The following L1CAM variants were observed in gnomAD, a reference collection of about 807,000 sequenced individuals.
L1CAM encodes L1 cell adhesion molecule, also known as neural cell adhesion molecule L1.
Under a neutral mutation model 93.0 loss-of-function variants are expected in L1CAM, and 8 were observed. That is an observed-to-expected ratio of 0.09 (90% CI 0.05 to 0.16). L1CAM has a LOEUF of 0.16. Among genes scored for constraint, L1CAM ranks in the 10% least tolerant of loss-of-function variants. The pLI is 1.00. For synonymous variants in L1CAM, 453 were observed against 453.0 expected (o/e 1.00, Z 0.00); for missense variants, 777 against 1,073.4 (o/e 0.72, Z 3.86).
intron 1 of L1CAM, among the ~76,000 whole-genome samples, chrX:153,883,445 C>T (rs1233830691): frequency 2.2e-5 from 2 of 89,608 alleles, no homozygotes; most frequent in Admixed American, 1.2e-4. Context: ...AGCAGGGGGG[C>T]GGGGGAAGCA....
chrX:153,864,991 T>A lies in L1CAM; in HGVS notation c.2876A>T (p.Asp959Val). ...GGACAGTTGCCCCTTGCCCCCCTCATCCACTGTGGGGACAGACAGGGGTTG... is the reference window on the plus strand; with the variant it reads ...GGACAGTTGCCCCTTGCCCCCCTCAACCACTGTGGGGACAGACAGGGGTTG... ...TGYVLSYHPLDEGGKGQLSFN... is the reference protein window; with the variant it reads ...TGYVLSYHPLVEGGKGQLSFN... Residue 959 changes from aspartate to valine, a missense_variant, in exon 23 of 29, where the codon GAT becomes GTT. Physicochemically the swap from Asp to Val is radical, Grantham distance 152. This residue lies in a region of L1CAM where 71 missense variants were observed against 77.4 expected (regional missense o/e 0.92). Coordinates refer to ENST00000370060, the MANE Select transcript of L1CAM (RefSeq NM_001278116.2). 8.3e-7 allele frequency: 1 copy of A among 1,212,002 alleles called. No individual in the cohort carries two copies. The highest frequency in any genetic ancestry group is 1.1e-6 in the Non-Finnish European group (1 of 895,382).
At position 153,864,702 on chromosome X, in the gene L1CAM, T is replaced by A; in HGVS notation, c.3049A>T (p.Ile1017Phe). The A allele has an allele frequency of 8.3e-7, 1 of 1,211,962 alleles. No individual in the cohort carries two copies. Among genetic ancestry groups the A allele is most frequent in the Non-Finnish European group, 1.1e-6 (1 of 895,463 alleles). ...REGGTMALSGISDFGNISATA... is the reference protein window; with the variant it reads ...REGGTMALSGFSDFGNISATA... Reference sequence around the variant, plus strand: ...GCTGAGATGTTGCCAAAATCTGAGATCCCTGGGGGGATGCAGGGGAACGAG... The same window carrying A: ...GCTGAGATGTTGCCAAAATCTGAGAACCCTGGGGGGATGCAGGGGAACGAG... Residue 1017 changes from isoleucine (I) to phenylalanine (F), a missense_variant and splice_region_variant, in exon 24 of 29, where the codon ATC becomes TTC. Transcript: ENST00000370060.
intron 1 of L1CAM, among the ~76,000 whole-genome samples, chrX:153,877,003 A>C (rs2064817771): frequency 9.2e-6 from 1 of 109,095 alleles, no homozygotes; most frequent in Non-Finnish European, 1.9e-5. Flanking sequence ...TGTCTAAAAA[A>C]ATAAATAAAA....
chrX:153,863,208 G>C (rs1408595786), intron 28 of L1CAM, among the ~76,000 whole-genome samples, 160 bp downstream of exon 28: 1 of 111,810 alleles, frequency 8.9e-6, no homozygotes, highest in Non-Finnish European at 1.9e-5. Context: ...AGGGGCTGGG[G>C]CGTGTTGGCC....
Position 153,874,274 on chromosome X carries a change from C to T in L1CAM, c.77-1032G>A, listed in dbSNP as rs145288780. Among the ~76,000 whole-genome samples the T allele has an allele frequency of 4.9e-3, 556 of 112,925 alleles. 1 individual carries two copies. The highest frequency in any genetic ancestry group is 0.012 in the Admixed American group (126 of 10,847). ...CAGGGCAGCCTTGGAGCTGCCATGGCCTTTTGGCCTAGTTCTCTCTCCCCA... is the reference window on the plus strand; with the variant it reads ...CAGGGCAGCCTTGGAGCTGCCATGGTCTTTTGGCCTAGTTCTCTCTCCCCA... On this transcript the variant is annotated intron_variant, in intron 2 of 28. Transcript: ENST00000370060.
At chrX:153,868,820 C>T (rs1557092033) in intron 12 of L1CAM, 21 bp downstream of exon 12, 2 of 1,205,122 alleles carry the variant, frequency 1.7e-6, no homozygotes, top group South Asian at 3.5e-5. Context: ...ACACTCACCA[C>T]TACCAGGACG....
chrX:153,874,505 G>A (rs782125222), intron 2 of L1CAM, among the ~76,000 whole-genome samples: 63 of 112,856 alleles, frequency 5.6e-4, no homozygotes, highest in African/African-American at 1.8e-3. Flanking sequence ...TCTGTACCAA[G>A]GGAGTCTGCC....
intron 1 of L1CAM, chrX:153,885,461 G>A (rs1247836655): frequency 2.1e-5 from 20 of 949,387 alleles, no homozygotes; most frequent in Admixed American, 3.1e-5. Flanking sequence ...GCCCAGGCTG[G>A]GATTTGGAAA....
intron 20 of L1CAM, 67 bp downstream of exon 20, chrX:153,865,637 C>T: frequency 9.9e-7 from 1 of 1,014,526 alleles, no homozygotes; most frequent in South Asian, 1.9e-5. Context: ...GTGGCAAAGC[C>T]CCCTCACCAT....
chrX:153,867,791 G>A lies in L1CAM; in HGVS notation c.1939+9C>T, dbSNP rs938599798. The A allele has an allele frequency of 8.4e-7, 1 of 1,194,574 alleles. No homozygotes were observed. Among genetic ancestry groups the A allele is most frequent in the Admixed American group, 2.2e-5 (1 of 45,787 alleles). On this transcript the variant is annotated intron_variant, in intron 16 of 28. Transcript: ENST00000370060. ...GACGGTGGGGTGGCACTGAGCTCAA[G>A]CCTCTTACTCTCAATGGGGGCATTG... is the stretch of plus-strand genomic sequence containing the variant.
At chrX:153,876,058 G>T (rs1174063794) in intron 1 of L1CAM, 114 bp from the exon 2 acceptor site, 13 of 433,910 alleles carry the variant, frequency 3.0e-5, no homozygotes, top group Non-Finnish European at 4.8e-5. Context: ...CCTCAGCCCC[G>T]CCCCCAGCTG....
chrX:153,885,789 G>A (rs1266736914), intron 1 of L1CAM: 3 of 798,799 alleles, frequency 3.8e-6, no homozygotes, highest in African/African-American at 2.5e-5. Flanking sequence ...GACGCCCCCC[G>A]CCCTGTTCTC....
intron 25 of L1CAM, 25 bp from the exon 26 acceptor site, chrX:153,864,042 G>A (rs782022192): frequency 1.7e-5 from 21 of 1,209,577 alleles, no homozygotes; most frequent in African/African-American, 5.2e-5. Flanking sequence ...CCAGCCCCCC[G>A]TGCTGCCGCC....
At chrX:153,871,656 G>A in intron 5 of L1CAM, among the ~76,000 whole-genome samples, 2 of 111,330 alleles carry the variant, frequency 1.8e-5, no homozygotes, top group African/African-American at 6.5e-5. Flanking sequence ...GGAATGCAAA[G>A]GGAAAACCCC....
chrX:153,884,307 GA>G (rs1217374730), intron 1 of L1CAM: 27 of 936,214 alleles, frequency 2.9e-5, no homozygotes, highest in Non-Finnish European at 3.8e-5. Context: ...CAGGGCAGGG[GA>G]CCCCGCCACC....
chrX:153,874,858 C>T (rs1305483662), intron 2 of L1CAM, among the ~76,000 whole-genome samples: 7 of 111,846 alleles, frequency 6.3e-5, no homozygotes, highest in Admixed American at 4.7e-4. Context: ...CACGGTAACA[C>T]CCCCCACACG....
Position 153,862,671 on chromosome X carries a change from G to C in L1CAM, c.3766C>G (p.Leu1256Val). The change falls in exon 29 of 29, where the codon CTA becomes GTA. Residue 1256 changes from leucine (L) to valine (V), a missense_variant. By Grantham distance (32) the Leu-to-Val change is conservative. Around this residue, in one of 5 missense-constraint regions of L1CAM, gnomAD observed 110 missense variants for 141.7 expected, o/e 0.78. Transcript: ENST00000370060. ...ATSPINPAVA[L>V]E ...TCCTGTCCTGGACTCCACTATTCTA[G>C]GGCCACGGCAGGGTTGATGGGGGAA... is the stretch of plus-strand genomic sequence containing the variant. 8.3e-7 allele frequency: 1 copy of C among 1,207,873 alleles called. No individual in the cohort carries two copies. The highest frequency in any genetic ancestry group is 1.1e-6 in the Non-Finnish European group (1 of 891,988).
chrX:153,862,574 C>T lies in L1CAM; in HGVS notation c.*89G>A. 1.3e-6 allele frequency: 1 copy of T among 757,975 alleles called. No individual in the cohort carries two copies. The highest frequency in any genetic ancestry group is 1.9e-6 in the Non-Finnish European group (1 of 516,090). The allele number at this position is 757,975 out of a possible 1,213,427, so 62.5% of individuals were successfully genotyped here. A position where few individuals can be genotyped will look rare whatever the true frequency, so the allele number is the denominator to read the frequency against. ...ATCCGAGGCAGCAAGTTCTCCTCTG[C>T]CCCAACTCCAGCCTCCCATGGGCCT... On this transcript the variant is annotated 3_prime_UTR_variant, in exon 29 of 29. Coordinates refer to ENST00000370060, the MANE Select transcript of L1CAM (RefSeq NM_001278116.2).
At chrX:153,879,407 G>T (rs1320699459) in intron 1 of L1CAM, among the ~76,000 whole-genome samples, 1 of 100,374 alleles carries the variant, frequency 1.0e-5, no homozygotes, top group African/African-American at 3.6e-5. Context: ...GAAAGAGCGA[G>T]AAGAGTGAGG....
Sources: allele counts gnomAD v4.1 joint callset (sites outside exome capture counted in the v4.1 genomes callset), GRCh38; gene constraint gnomAD v4.1.1; regional missense constraint gnomAD v4.1.1; transcripts MANE v1.5; gene names NCBI Gene and HGNC (gene_info 2026-07-23, HGNC 2026-07-21).